SARDH: variants seen among roughly 807,000 people sequenced by gnomAD.
SARDH encodes the protein sarcosine dehydrogenase, mitochondrial.
A neutral mutation model predicts 109.1 loss-of-function variants in SARDH; 95 were observed. The ratio of observed to expected loss-of-function variants is 0.87; its 90% CI spans 0.74 to 1.03. The LOEUF is 1.03. Ranked by LOEUF, SARDH falls within the 50% of genes least tolerant of loss-of-function variation. The pLI is 0.00. For synonymous variants in SARDH, 572 were observed against 534.8 expected, an observed-to-expected ratio of 1.07 and a Z score of -0.96; for missense variants, 1,267 against 1,287.8, an observed-to-expected ratio of 0.98 and a Z score of 0.25.
At chr9:133,696,086 G>A (rs1831277091) in intron 14 of SARDH, 137 bp downstream of exon 14, 11 of 1,026,184 alleles carry the variant, frequency 1.1e-5, no homozygotes, top group African/African-American at 1.6e-5. Context: ...ACGGGGGGGA[G>A]CTCAAAGCCA....
At chr9:133,697,634 T>C (rs976866288) in intron 13 of SARDH, among the ~76,000 whole-genome samples, 3 of 152,196 alleles carry the variant, frequency 2.0e-5, no homozygotes, top group African/African-American at 2.4e-5. Context: ...AATCAATTGA[T>C]GTAATGCAAC....
chr9:133,717,141 G>A (rs1022271792), intron 8 of SARDH, among the ~76,000 whole-genome samples, 185 bp downstream of exon 8: 3 of 152,024 alleles, frequency 2.0e-5, no homozygotes, highest in Non-Finnish European at 4.4e-5. Context: ...CAGGCCTCTC[G>A]CCCGTAGAGG....
chr9:133,710,842 C>T (rs1020870007), intron 10 of SARDH, among the ~76,000 whole-genome samples: 5 of 152,380 alleles, frequency 3.3e-5, no homozygotes, highest in Middle Eastern at 3.4e-3. Flanking sequence ...ACGTCAGTGA[C>T]GGCTGGGCTG....
At chr9:133,677,231 C>T (rs1299527262) in intron 17 of SARDH, among the ~76,000 whole-genome samples, 1 of 152,162 alleles carries the variant, frequency 6.6e-6, no homozygotes, top group Non-Finnish European at 1.5e-5. Flanking sequence ...ACAGTATCTT[C>T]GAAGCACAGA....
intron 1 of SARDH, among the ~76,000 whole-genome samples, chr9:133,737,490 C>G (rs1287598460): frequency 6.6e-6 from 1 of 152,218 alleles, no homozygotes; most frequent in Non-Finnish European, 1.5e-5. Context: ...GGTGCCCCAC[C>G]AGGGGAAAGC....
rs1388211773 is a variant in SARDH, at chr9:133,728,726, G to T, written c.915+1039C>A. Among the ~76,000 whole-genome samples, 1 of 152,176 alleles carries T rather than the reference G, an allele frequency of 6.6e-6. No homozygotes were observed. The highest frequency in any genetic ancestry group is 2.4e-5 in the African/African-American group (1 of 41,440). On this transcript the variant is annotated intron_variant, in intron 6 of 20. Transcript: ENST00000439388. This position sits in a 1 kb window ranked among gnomAD's most constrained non-coding sequence, Gnocchi z 5.0. ...TTATGGCCACAGCTTCTAGAATAGG[G>T]CCTGAAACACCAAGCTCACCCATCA... is the stretch of plus-strand genomic sequence containing the variant.
intron 8 of SARDH, among the ~76,000 whole-genome samples, chr9:133,714,201 G>A (rs190667342): frequency 1.3e-5 from 2 of 152,334 alleles, no homozygotes; most frequent in African/African-American, 2.4e-5. Context: ...CAGATCAGGA[G>A]CAAGTGCCGT....
At chr9:133,661,369 C>A (rs962806294), downstream of SARDH, among the ~76,000 whole-genome samples, 9 of 151,072 alleles carry the variant, frequency 6.0e-5, no homozygotes, top group Non-Finnish European at 1.2e-4. Context: ...CAAAAAAAAA[C>A]AAAATGGAAC....
chr9:133,704,889 G>A lies in SARDH; in HGVS notation c.1554+59C>T. 1.1e-5 allele frequency: 16 copies of A among 1,460,568 alleles called. No homozygotes were observed. Among genetic ancestry groups the A allele is most frequent in the Non-Finnish European group, 1.5e-5 (16 of 1,065,934 alleles). The allele number at this position is 1,460,568 out of a possible 1,614,324, so 90.5% of individuals were successfully genotyped here. On this transcript the variant is annotated intron_variant, in intron 12 of 20. Coordinates refer to ENST00000439388, the MANE Select transcript of SARDH (RefSeq NM_001134707.2). The surrounding 1 kb of genome is among the most constrained non-coding windows in gnomAD (Gnocchi z 4.5). Reference sequence around the variant, plus strand: ...GGGGCAAGGACGGGGCACGTGGAGGGGCAAGGGGGTTGTCAGGGCAGGGCC... The same window carrying A: ...GGGGCAAGGACGGGGCACGTGGAGGAGCAAGGGGGTTGTCAGGGCAGGGCC...
intron 14 of SARDH, among the ~76,000 whole-genome samples, chr9:133,695,828 T>A (rs896743778): frequency 6.6e-6 from 1 of 152,178 alleles, no homozygotes; most frequent in Non-Finnish European, 1.5e-5. Context: ...TGAGTCATTA[T>A]GTATCCAAAA....
chr9:133,732,072 G>GCTTT (rs1363865354), intron 3 of SARDH, among the ~76,000 whole-genome samples: 1 of 152,146 alleles, frequency 6.6e-6, no homozygotes, highest in Non-Finnish European at 1.5e-5. Context: ...TGGCAAAGTC[G>GCTTT]CTTTCTCCAG....
intron 4 of SARDH, among the ~76,000 whole-genome samples, chr9:133,730,606 G>C (rs1832647080): frequency 6.7e-6 from 1 of 149,272 alleles, no homozygotes; most frequent in African/African-American, 2.4e-5. Context: ...AAAATATTTG[G>C]AGTAAAACAT....
At chr9:133,710,928 G>A (rs1255003042) in intron 10 of SARDH, among the ~76,000 whole-genome samples, 1 of 152,178 alleles carries the variant, frequency 6.6e-6, no homozygotes, top group African/African-American at 2.4e-5. Context: ...AACAGGGTGG[G>A]TGCTCCTCCT....
intron 6 of SARDH, 79 bp from the exon 7 acceptor site, chr9:133,719,121 G>T: frequency 8.4e-7 from 1 of 1,195,478 alleles, no homozygotes; most frequent in Non-Finnish European, 1.2e-6. Context: ...TGGTGGGCCA[G>T]CACCTCCACC....
intron 16 of SARDH, among the ~76,000 whole-genome samples, 174 bp from the exon 17 acceptor site, chr9:133,685,460 T>C (rs1434894729): frequency 1.3e-5 from 2 of 152,120 alleles, no homozygotes; most frequent in African/African-American, 2.4e-5. Context: ...CAAATATACA[T>C]AAGACAGCCA....
In SARDH at chr9:133,712,947, G is replaced by A. The variant is rs1697421823; in HGVS notation, c.1237+91C>T. ...TCTCCTGTCCCCACCACTGTCGGGG[G>A]CCACGGTGCTCCTGCGCCCGCCTCC... On this transcript the variant is annotated intron_variant, in intron 9 of 20. Coordinates refer to ENST00000439388, the MANE Select transcript of SARDH (RefSeq NM_001134707.2). The surrounding 1 kb of genome is among the most constrained non-coding windows in gnomAD (Gnocchi z 4.1). 6 of 1,297,622 alleles carry A rather than the reference G, an allele frequency of 4.6e-6. No individual in the cohort carries two copies. The Admixed American group carries it at 9.9e-5, about 21-fold the overall frequency. The allele number at this position is 1,297,622 out of a possible 1,614,324, so 80.4% of individuals were successfully genotyped here.
At chr9:133,677,189 C>T (rs1161551773) in intron 17 of SARDH, among the ~76,000 whole-genome samples, 2 of 152,088 alleles carry the variant, frequency 1.3e-5, no homozygotes, top group African/African-American at 2.4e-5. Context: ...CACCCCTTGG[C>T]GTGGCTCTAG....
At chr9:133,734,271 G>A (rs2131516214) in intron 1 of SARDH, 68 bp from the exon 2 acceptor site, 1 of 1,101,992 alleles carries the variant, frequency 9.1e-7, no homozygotes. Context: ...GAGTACCCAG[G>A]GAAATAAGGG....
At chr9:133,733,460 G>C (rs1170065137) in intron 2 of SARDH, among the ~76,000 whole-genome samples, 2 of 152,194 alleles carry the variant, frequency 1.3e-5, no homozygotes, top group Non-Finnish European at 2.9e-5. Flanking sequence ...GGTGCTCATG[G>C]AGGACACAGG....
Sources: gnomAD v4.1 joint callset for allele counts (sites outside exome capture counted in the v4.1 genomes callset) on GRCh38, gnomAD v4.1.1 for gene constraint, Gnocchi (gnomAD v3.1) non-coding constraint, MANE v1.5 for transcripts, NCBI Gene and HGNC (gene_info 2026-07-23, HGNC 2026-07-21) for gene names.